IPCEF1: variants seen among roughly 807,000 people sequenced by gnomAD.
IPCEF1 encodes interactor protein for cytohesin exchange factors 1.
In IPCEF1, 31 loss-of-function variants were observed where a neutral mutation model predicts 50.9. The ratio of observed to expected loss-of-function variants is 0.61; its 90% CI spans 0.46 to 0.82. The LOEUF (loss-of-function observed/expected upper bound fraction) is 0.82. Among genes scored for constraint, IPCEF1 ranks in the 40% least tolerant of loss-of-function variants. The probability of loss-of-function intolerance (pLI) is 0.00; values close to 1 mark genes in which losing one functional copy is unlikely to be tolerated. For synonymous variants in IPCEF1, 181 were observed against 192.0 expected (o/e 0.94, Z 0.47); for missense variants, 458 against 514.0 (o/e 0.89, Z 1.05).
intron 3 of IPCEF1, among the ~76,000 whole-genome samples, chr6:154,260,283 G>A (rs1482921466): frequency 1.3e-5 from 2 of 152,158 alleles, no homozygotes; most frequent in East Asian, 1.9e-4. Flanking sequence ...AAAACTGAGC[G>A]AAATATCCAT....
intron 1 of IPCEF1, among the ~76,000 whole-genome samples, chr6:154,335,466 G>T (rs1783768785): frequency 6.6e-6 from 1 of 152,178 alleles, no homozygotes; most frequent in Non-Finnish European, 1.5e-5. Context: ...CCAAGGAGAA[G>T]TTCCCCTTGG....
At chr6:154,213,896 A>G (rs565418681) in intron 8 of IPCEF1, among the ~76,000 whole-genome samples, 6 of 152,344 alleles carry the variant, frequency 3.9e-5, no homozygotes, top group Admixed American at 1.3e-4. Context: ...GATCATGACG[A>G]GATCATGTCT....
intron 7 of IPCEF1, among the ~76,000 whole-genome samples, chr6:154,215,216 C>T (rs983671180): frequency 6.6e-6 from 1 of 152,202 alleles, no homozygotes; most frequent in African/African-American, 2.4e-5. Context: ...AAATATTGCA[C>T]CTTCCCACCT....
intron 5 of IPCEF1, among the ~76,000 whole-genome samples, chr6:154,230,729 C>T (rs891709228): frequency 1.3e-5 from 2 of 152,140 alleles, no homozygotes; most frequent in Non-Finnish European, 2.9e-5. Context: ...TTCCTTAATT[C>T]TAAAACCCTG....
intron 1 of IPCEF1, among the ~76,000 whole-genome samples, chr6:154,328,104 C>T (rs1195291355): frequency 6.6e-6 from 1 of 152,124 alleles, no homozygotes; most frequent in African/African-American, 2.4e-5. Flanking sequence ...GGAAGACTAG[C>T]TAATGGATGC....
intron 10 of IPCEF1, among the ~76,000 whole-genome samples, chr6:154,180,349 T>C (rs1270303810): frequency 6.8e-6 from 1 of 147,498 alleles, no homozygotes; most frequent in Non-Finnish European, 1.5e-5. Context: ...AAAGGAGACA[T>C]ATATATATAT....
intron 10 of IPCEF1, among the ~76,000 whole-genome samples, chr6:154,198,103 A>G (rs1397448522): frequency 6.6e-6 from 1 of 152,168 alleles, no homozygotes; most frequent in Non-Finnish European, 1.5e-5. Context: ...CAGAATGAGT[A>G]AAGACCTCCA....
intron 1 of IPCEF1, among the ~76,000 whole-genome samples, chr6:154,345,433 A>C (rs890925203): frequency 6.6e-5 from 10 of 152,212 alleles, no homozygotes; most frequent in Non-Finnish European, 1.3e-4. Flanking sequence ...TTAAAATCAC[A>C]TGGCGATCAG....
chr6:154,200,276 C>T (rs1035798399), intron 9 of IPCEF1, among the ~76,000 whole-genome samples: 3 of 152,170 alleles, frequency 2.0e-5, no homozygotes, highest in Non-Finnish European at 4.4e-5. Context: ...TGAAAAATCT[C>T]CTTATCATGA....
intron 1 of IPCEF1, among the ~76,000 whole-genome samples, chr6:154,331,700 C>T (rs150725067): frequency 0.021 from 3,222 of 152,204 alleles, 61 homozygotes; most frequent in Non-Finnish European, 0.032. Flanking sequence ...AGAGTTTAAG[C>T]TGGTATATGA....
intron 2 of IPCEF1, among the ~76,000 whole-genome samples, chr6:154,280,506 C>A (rs1166077473): frequency 6.6e-6 from 1 of 151,924 alleles, no homozygotes; most frequent in Non-Finnish European, 1.5e-5. Flanking sequence ...ACATAGCAAT[C>A]AAAAAGAAAA....
At chr6:154,225,609 A>G (rs1411723649) in intron 5 of IPCEF1, among the ~76,000 whole-genome samples, 2 of 152,196 alleles carry the variant, frequency 1.3e-5, no homozygotes, top group Non-Finnish European at 2.9e-5. Flanking sequence ...ATAGGGAGCA[A>G]CTGCTCAATG....
intron 10 of IPCEF1, among the ~76,000 whole-genome samples, chr6:154,172,049 A>C (rs1359027515): frequency 6.6e-6 from 1 of 152,256 alleles, no homozygotes; most frequent in African/African-American, 2.4e-5. Flanking sequence ...AAGTAGCTAC[A>C]TTGTGCTACT....
intron 1 of IPCEF1, among the ~76,000 whole-genome samples, chr6:154,344,629 A>G (rs1783988225): frequency 6.6e-6 from 1 of 152,166 alleles, no homozygotes; most frequent in Admixed American, 6.5e-5. Context: ...AATATGCCGG[A>G]GCACGAATAC....
chr6:154,181,243 C>T (rs995903343), intron 10 of IPCEF1, among the ~76,000 whole-genome samples: 5 of 152,138 alleles, frequency 3.3e-5, no homozygotes, highest in Admixed American at 6.5e-5. Context: ...ACAACATTGG[C>T]ATAGTATAAT....
chr6:154,156,054 A>G lies in IPCEF1; in HGVS notation c.*3774T>C, dbSNP rs1489854285. The G allele has an allele frequency of 6.6e-6, 1 of 152,256 alleles. No individual in the cohort carries two copies. Among genetic ancestry groups the G allele is most frequent in the Non-Finnish European group, 1.5e-5 (1 of 68,046 alleles). The allele number at this position is 152,256 out of a possible 1,614,324, so 9.4% of individuals were successfully genotyped here. A position where few individuals can be genotyped will look rare whatever the true frequency, so the allele number is the denominator to read the frequency against. Reference sequence around the variant, plus strand: ...TGACAGCACATGCCTCAAAAAGCAAACAAAATAAACACTCTCCATTTCTTT... The same window carrying G: ...TGACAGCACATGCCTCAAAAAGCAAGCAAAATAAACACTCTCCATTTCTTT... On this transcript the variant is annotated 3_prime_UTR_variant, in exon 12 of 12. Coordinates refer to ENST00000367220, the MANE Select transcript of IPCEF1 (RefSeq NM_001130700.2).
At chr6:154,244,297 G>GGGGTGTGTGT (rs1307383951) in intron 5 of IPCEF1, among the ~76,000 whole-genome samples, 99 of 76,898 alleles carry the variant, frequency 1.3e-3, no homozygotes, top group African/African-American at 5.6e-3. Flanking sequence ...TGTGTGTGTG[G>GGGGTGTGTGT]GTGGGTGTGT....
chr6:154,305,939 T>C (rs1782920238), intron 1 of IPCEF1, among the ~76,000 whole-genome samples: 1 of 152,230 alleles, frequency 6.6e-6, no homozygotes, highest in African/African-American at 2.4e-5. Context: ...CATTGTCGGC[T>C]TCTCTACTTT....
chr6:154,213,039 C>G, intron 8 of IPCEF1, 184 bp from the exon 9 acceptor site: 2 of 569,158 alleles, frequency 3.5e-6, no homozygotes, highest in Non-Finnish European at 6.3e-6. Context: ...AAACAAATGG[C>G]CAATTCGGGG....
Sources: allele counts gnomAD v4.1 joint callset (sites outside exome capture counted in the v4.1 genomes callset), GRCh38; gene constraint gnomAD v4.1.1; transcripts MANE v1.5; gene names NCBI Gene and HGNC (gene_info 2026-07-23, HGNC 2026-07-21).